The following PDE7B variants were observed in gnomAD, a reference collection of about 807,000 sequenced individuals.
PDE7B encodes phosphodiesterase 7B, also known as 3',5'-cyclic-AMP phosphodiesterase 7B.
A neutral mutation model predicts 56.2 loss-of-function variants in PDE7B; 29 were observed. That is an observed-to-expected ratio of 0.52 (90% CI 0.38 to 0.70). PDE7B has a LOEUF of 0.70. PDE7B is among the 30% of genes least tolerant of loss of function. The pLI is 0.00. For missense variants in PDE7B, 490 were observed against 565.0 expected (o/e 0.87, Z 1.35); for synonymous variants, 197 against 196.9 (o/e 1.00, Z 0.00).
intron 1 of PDE7B, among the ~76,000 whole-genome samples, chr6:135,901,771 A>G (rs1481747534): frequency 6.6e-6 from 1 of 152,222 alleles, no homozygotes; most frequent in East Asian, 1.9e-4. Flanking sequence ...GTTTTACTGT[A>G]CACAAAATTC....
At chr6:136,190,591 C>A (rs1779206844) in intron 12 of PDE7B, among the ~76,000 whole-genome samples, 1 of 152,148 alleles carries the variant, frequency 6.6e-6, no homozygotes, top group African/African-American at 2.4e-5. Flanking sequence ...CTAAATAAGT[C>A]CAAGTTTGTG....
chr6:136,189,041 A>C (rs1779182512), intron 12 of PDE7B, among the ~76,000 whole-genome samples: 1 of 152,094 alleles, frequency 6.6e-6, no homozygotes, highest in Non-Finnish European at 1.5e-5. Context: ...CAATTTTTCC[A>C]GTGGGTCTTC....
intron 1 of PDE7B, among the ~76,000 whole-genome samples, chr6:135,941,083 G>A (rs985826446): frequency 6.6e-5 from 10 of 152,196 alleles, no homozygotes; most frequent in African/African-American, 2.4e-4. Flanking sequence ...AAATAGAAAG[G>A]AAGTGAGGGT....
At chr6:136,174,573 T>C (rs1255764318) in intron 9 of PDE7B, among the ~76,000 whole-genome samples, 1 of 152,108 alleles carries the variant, frequency 6.6e-6, no homozygotes, top group Non-Finnish European at 1.5e-5. Context: ...TTAATTCTGA[T>C]CTGTTTAATG....
At chr6:136,171,759 G>A (rs1182355702) in intron 8 of PDE7B, among the ~76,000 whole-genome samples, 2 of 150,386 alleles carry the variant, frequency 1.3e-5, no homozygotes, top group African/African-American at 2.4e-5. Flanking sequence ...TTAGCATTAG[G>A]TATATCTCCT....
chr6:136,192,094 C>A lies in PDE7B; in HGVS notation c.*254C>A, dbSNP rs1036240500. On this transcript the variant is annotated 3_prime_UTR_variant, in exon 13 of 13. Transcript: ENST00000308191. The stretch of plus-strand genomic sequence containing the variant: ...CGTGGGAGCTGATCCCACGGGCAGG[C>A]TCTCCCTGCTCCAGGAGAAGACTAG... 1 of 506,858 alleles carries A rather than the reference C, an allele frequency of 2.0e-6. No homozygotes were observed. The highest frequency in any genetic ancestry group is 3.6e-6 in the Non-Finnish European group (1 of 278,260). The allele number at this position is 506,858 out of a possible 1,614,324, so 31.4% of individuals were successfully genotyped here.
rs1314988051 is a variant in PDE7B at position 136,195,455 on chromosome 6, G to GGAAAAA, written c.*3615_*3616insGAAAAA. The GGAAAAA allele has an allele frequency of 1.4e-5, 1 of 68,974 alleles. No homozygotes were observed. Among genetic ancestry groups the GGAAAAA allele is most frequent in the African/African-American group, 4.3e-5 (1 of 23,282 alleles). 4.3% of individuals were successfully genotyped at this position (68,974 alleles called of 1,614,324 possible). On this transcript the variant is annotated 3_prime_UTR_variant, in exon 13 of 13. Coordinates refer to ENST00000308191, the MANE Select transcript of PDE7B (RefSeq NM_018945.4). ...CATTTTGTATACACATGTGAGGTTT[G>GGAAAAA]AAAAAAAAAAAAAAAAAAAAAAGAA...
At chr6:136,096,603 A>T (rs1274299587) in intron 2 of PDE7B, among the ~76,000 whole-genome samples, 1 of 151,296 alleles carries the variant, frequency 6.6e-6, no homozygotes, top group Non-Finnish European at 1.5e-5. Context: ...TATTTTCATG[A>T]CATAAACTAT....
chr6:136,048,136 A>T (rs1434028726), intron 2 of PDE7B, among the ~76,000 whole-genome samples: 1 of 152,360 alleles, frequency 6.6e-6, no homozygotes, highest in East Asian at 1.9e-4. Flanking sequence ...TATATAATAT[A>T]CTAAATGTGC....
intron 7 of PDE7B, among the ~76,000 whole-genome samples, chr6:136,154,577 T>C (rs2128447683): frequency 6.6e-6 from 1 of 152,300 alleles, no homozygotes; most frequent in South Asian, 2.1e-4. Flanking sequence ...GATCAACAAA[T>C]GGAATCAAAG....
chr6:135,883,872 A>G (rs773210433), intron 1 of PDE7B, among the ~76,000 whole-genome samples: 28 of 152,182 alleles, frequency 1.8e-4, no homozygotes, highest in Non-Finnish European at 3.7e-4. Flanking sequence ...GCTGGCTTCT[A>G]TTAATTATCA....
intron 2 of PDE7B, chr6:136,037,490 T>A: frequency 3.0e-6 from 3 of 985,412 alleles, no homozygotes; most frequent in Non-Finnish European, 3.6e-6. Flanking sequence ...ACTGAGGCAC[T>A]GAGGATCAAC....
rs368309858 is a variant in PDE7B, at chr6:135,979,088, C to G, written c.82+31564C>G. The stretch of plus-strand genomic sequence containing the variant: ...TTTATTGAGAGTTTTTAGTATGAAG[C>G]GTTGTTGAATTTTGTCAAAGGCCTT... On this transcript the variant is annotated intron_variant, in intron 2 of 12. Coordinates refer to ENST00000308191, the MANE Select transcript of PDE7B (RefSeq NM_018945.4). Among the ~76,000 whole-genome samples the G allele has an allele frequency of 9.0e-4, 137 of 151,766 alleles. 3 individuals are homozygous for G. Among genetic ancestry groups the G allele is most frequent in the Non-Finnish European group, 3.2e-4 (22 of 67,990 alleles).
intron 2 of PDE7B, among the ~76,000 whole-genome samples, chr6:136,003,790 C>T (rs377416760): frequency 2.0e-5 from 3 of 147,772 alleles, no homozygotes; most frequent in South Asian, 2.2e-4. Flanking sequence ...GGAACTGGTA[C>T]CATTCCTTCT....
chr6:136,138,972 GTTGTTTTTT>G (rs926827249), intron 3 of PDE7B, among the ~76,000 whole-genome samples: 4 of 151,772 alleles, frequency 2.6e-5, no homozygotes, highest in African/African-American at 9.7e-5. Context: ...GGATTTTTTT[GTTGTTTTTT>G]ATTATACTTT....
intron 8 of PDE7B, among the ~76,000 whole-genome samples, chr6:136,172,106 A>G (rs1302273370): frequency 6.6e-6 from 1 of 152,120 alleles, no homozygotes; most frequent in Non-Finnish European, 1.5e-5. Context: ...ATACGTGTGC[A>G]TGTGTCTTTA....
chr6:135,877,493 T>C (rs1245679830), intron 1 of PDE7B, among the ~76,000 whole-genome samples: 2 of 152,186 alleles, frequency 1.3e-5, no homozygotes, highest in East Asian at 1.9e-4. Flanking sequence ...GAAATTGGCT[T>C]GTCACTTCCC....
intron 1 of PDE7B, among the ~76,000 whole-genome samples, chr6:135,880,146 C>T (rs752576818): frequency 4.6e-5 from 7 of 152,160 alleles, no homozygotes; most frequent in Non-Finnish European, 8.8e-5. Flanking sequence ...CTGACATTCA[C>T]CCCTCCTATA....
At chr6:135,928,437 ATATATATATATTTATT>A (rs1285152882) in intron 1 of PDE7B, among the ~76,000 whole-genome samples, 5 of 112,910 alleles carry the variant, frequency 4.4e-5, no homozygotes, top group African/African-American at 9.7e-5. Flanking sequence ...GATTATATAT[ATATATATATATTTATT>A]TATATATATA....
Sources: gnomAD v4.1 joint callset for allele counts (sites outside exome capture counted in the v4.1 genomes callset) on GRCh38, gnomAD v4.1.1 for gene constraint, MANE v1.5 for transcripts, NCBI Gene and HGNC (gene_info 2026-07-23, HGNC 2026-07-21) for gene names.